NGEF: variants seen among roughly 807,000 people sequenced by gnomAD.
The protein encoded by NGEF is neuronal guanine nucleotide exchange factor, also known as ephexin-1.
NGEF carries 31 observed loss-of-function variants against 80.9 expected under a neutral mutation model. The ratio of observed to expected loss-of-function variants is 0.38; its 90% confidence interval spans 0.29 to 0.52. NGEF has a LOEUF of 0.52. NGEF is among the 20% of genes least tolerant of loss of function. The pLI, the probability that NGEF is intolerant of heterozygous loss-of-function variation, is 0.84. For missense variants in NGEF, 709 were observed against 926.2 expected (o/e 0.77, Z 3.04); for synonymous variants, 371 against 370.2 (o/e 1.00, Z -0.03).
chr2:232,983,308 G>A (rs1381600472), intron 1 of NGEF, among the ~76,000 whole-genome samples: 2 of 152,104 alleles, frequency 1.3e-5, no homozygotes, highest in Non-Finnish European at 1.5e-5. Context: ...CCACTTGGGG[G>A]CGTCGGCTTC....
intron 5 of NGEF, among the ~76,000 whole-genome samples, chr2:232,899,494 G>C (rs929892367): frequency 1.9e-4 from 29 of 152,130 alleles, no homozygotes; most frequent in African/African-American, 7.0e-4. Flanking sequence ...GATGGGTCAG[G>C]GGTCTCCTTT....
At chr2:232,921,482 C>T (rs1398978810) in intron 4 of NGEF, among the ~76,000 whole-genome samples, 1 of 152,182 alleles carries the variant, frequency 6.6e-6, no homozygotes, top group East Asian at 1.9e-4. Flanking sequence ...GATTGGGCCT[C>T]ACTCTGTTAC....
chr2:232,930,814 T>C (rs1693201316), intron 3 of NGEF, among the ~76,000 whole-genome samples: 1 of 152,120 alleles, frequency 6.6e-6, no homozygotes, highest in Non-Finnish European at 1.5e-5. Context: ...TCCACCCTGG[T>C]CCCCCAAAAG....
chr2:232,906,722 G>A (rs1164171519), intron 5 of NGEF, among the ~76,000 whole-genome samples: 2 of 149,620 alleles, frequency 1.3e-5, no homozygotes, highest in African/African-American at 2.5e-5. Flanking sequence ...TGACAATGGC[G>A]GTTTTGTGGA....
At chr2:232,952,460 G>T (rs1185570978) in intron 3 of NGEF, among the ~76,000 whole-genome samples, 4 of 152,326 alleles carry the variant, frequency 2.6e-5, no homozygotes, top group Non-Finnish European at 5.9e-5. Context: ...TCTACCAGTA[G>T]ATGTGAGTTC....
intron 1 of NGEF, among the ~76,000 whole-genome samples, chr2:232,993,030 T>C (rs1272626807): frequency 7.1e-6 from 1 of 141,474 alleles, no homozygotes; most frequent in African/African-American, 2.7e-5. Flanking sequence ...CGCACATAAA[T>C]ATATAAATAT....
intron 3 of NGEF, among the ~76,000 whole-genome samples, chr2:232,965,511 G>A (rs944170609): frequency 1.2e-4 from 18 of 152,128 alleles, no homozygotes; most frequent in African/African-American, 2.9e-4. Context: ...AAGAGAAGCC[G>A]GGAGCAAATG....
chr2:232,966,297 G>T (rs1475290210), intron 3 of NGEF, among the ~76,000 whole-genome samples: 1 of 152,192 alleles, frequency 6.6e-6, no homozygotes, highest in East Asian at 1.9e-4. Context: ...ACTCCAGCAG[G>T]AAGTGCTCTT....
intron 5 of NGEF, among the ~76,000 whole-genome samples, chr2:232,908,309 T>C (rs746437202): frequency 2.5e-4 from 38 of 152,216 alleles, no homozygotes; most frequent in South Asian, 1.2e-3. Context: ...TTTCTAGAAA[T>C]AGAAGCACTA....
intron 3 of NGEF, among the ~76,000 whole-genome samples, chr2:232,967,054 C>T (rs1248246580): frequency 1.3e-5 from 2 of 152,154 alleles, no homozygotes; most frequent in Non-Finnish European, 2.9e-5. Flanking sequence ...TCCCCAATGC[C>T]TGAGGTGGGG....
intron 1 of NGEF, among the ~76,000 whole-genome samples, chr2:232,998,786 G>T (rs1354291253): frequency 6.6e-6 from 1 of 152,110 alleles, no homozygotes; most frequent in Admixed American, 6.5e-5. Context: ...CTAGGAAGGT[G>T]TTCCCTCCCA....
chr2:232,981,377 G>T, intron 1 of NGEF, among the ~76,000 whole-genome samples: 1 of 151,884 alleles, frequency 6.6e-6, no homozygotes, highest in Non-Finnish European at 1.5e-5. Flanking sequence ...GTCTGCCTTT[G>T]CAGGACTAAC....
chr2:232,937,400 A>G (rs1196834636), intron 3 of NGEF, among the ~76,000 whole-genome samples: 2 of 152,108 alleles, frequency 1.3e-5, no homozygotes, highest in East Asian at 1.9e-4. Context: ...CTGACCCCAC[A>G]TATCTGTTAT....
chr2:232,918,504 T>C (rs1255085219), intron 5 of NGEF, among the ~76,000 whole-genome samples: 1 of 152,218 alleles, frequency 6.6e-6, no homozygotes, highest in Non-Finnish European at 1.5e-5. Context: ...GTGCTGTTTG[T>C]TTTTCATGCT....
chr2:232,898,939 TGA>T (rs1389466914), intron 5 of NGEF, among the ~76,000 whole-genome samples: 6 of 152,052 alleles, frequency 3.9e-5, no homozygotes, highest in East Asian at 1.9e-4. Context: ...GGTGTGGCTG[TGA>T]GAGCATGTAA....
At chr2:232,960,964 G>A (rs1693939053) in intron 3 of NGEF, among the ~76,000 whole-genome samples, 1 of 152,166 alleles carries the variant, frequency 6.6e-6, no homozygotes, top group African/African-American at 2.4e-5. Flanking sequence ...TTGGCTTCCT[G>A]TGCCCCTCTT....
At chr2:232,879,985 A>AC (rs1471685713) in intron 14 of NGEF, among the ~76,000 whole-genome samples, 3 of 151,928 alleles carry the variant, frequency 2.0e-5, no homozygotes, top group East Asian at 3.9e-4. Context: ...AGCCCAGGAG[A>AC]CCCCAAGGGC....
At chr2:232,894,027 C>T (rs890664958) in intron 6 of NGEF, among the ~76,000 whole-genome samples, 2 of 152,210 alleles carry the variant, frequency 1.3e-5, no homozygotes, top group African/African-American at 4.8e-5. Flanking sequence ...CTGCGCCGGG[C>T]CCCACCTTGG....
intron 13 of NGEF, among the ~76,000 whole-genome samples, chr2:232,881,552 T>C (rs1691505212): frequency 6.6e-6 from 1 of 152,086 alleles, no homozygotes; most frequent in Admixed American, 6.6e-5. Flanking sequence ...AGGGTTCACA[T>C]GGTCAGGGTT....
Sources: gnomAD v4.1 joint callset for allele counts (sites outside exome capture counted in the v4.1 genomes callset) on GRCh38, gnomAD v4.1.1 for gene constraint, MANE v1.5 for transcripts, NCBI Gene and HGNC (gene_info 2026-07-23, HGNC 2026-07-21) for gene names.